The following LRRC4C variants were observed in gnomAD, a reference collection of about 807,000 sequenced individuals.
LRRC4C encodes leucine-rich repeat-containing protein 4C.
In LRRC4C, 5 loss-of-function variants were observed where a neutral mutation model predicts 33.6. That is an observed-to-expected ratio of 0.15 (90% CI 0.08 to 0.31). The LOEUF is 0.31. Among genes scored for constraint, LRRC4C ranks in the 10% least tolerant of loss-of-function variants. LRRC4C has a pLI of 1.00. For synonymous variants in LRRC4C, 329 were observed against 302.0 expected (o/e 1.09, Z -0.93); for missense variants, 560 against 796.7 (o/e 0.70, Z 3.58).
At chr11:41,406,748 A>ACACACACACACG (rs936627444) in intron 1 of LRRC4C, among the ~76,000 whole-genome samples, 115 of 145,544 alleles carry the variant, frequency 7.9e-4, no homozygotes, top group African/African-American at 2.9e-3. Context: ...ACACACACAC[A>ACACACACACACG]CACGCACCCT....
At chr11:40,965,241 T>G (rs973663324) in intron 1 of LRRC4C, among the ~76,000 whole-genome samples, 1 of 152,206 alleles carries the variant, frequency 6.6e-6, no homozygotes, top group East Asian at 1.9e-4. Context: ...TAAATTTGTT[T>G]GAGTTCATTG....
At chr11:40,777,778 C>T (rs764667351) in intron 2 of LRRC4C, among the ~76,000 whole-genome samples, 1 of 151,872 alleles carries the variant, frequency 6.6e-6, no homozygotes, top group African/African-American at 2.4e-5. Flanking sequence ...AGCTCCGCCT[C>T]CCGAGTTCAC....
At chr11:40,915,743 A>T (rs1956926874) in intron 2 of LRRC4C, among the ~76,000 whole-genome samples, 1 of 152,166 alleles carries the variant, frequency 6.6e-6, no homozygotes, top group South Asian at 2.1e-4. Flanking sequence ...AGAAACTACC[A>T]TCAGAGTGAA....
At chr11:40,179,718 C>T (rs958835679) in intron 5 of LRRC4C, among the ~76,000 whole-genome samples, 4 of 152,088 alleles carry the variant, frequency 2.6e-5, no homozygotes, top group African/African-American at 7.2e-5. Flanking sequence ...GCACCAGCAG[C>T]GGAGAAAAGA....
chr11:41,199,684 C>T (rs1210930081), intron 1 of LRRC4C, among the ~76,000 whole-genome samples: 2 of 152,090 alleles, frequency 1.3e-5, no homozygotes, highest in African/African-American at 2.4e-5. Flanking sequence ...TCCCACCTAC[C>T]TCCTCCATTG....
At chr11:41,218,745 T>C (rs1444488272) in intron 1 of LRRC4C, among the ~76,000 whole-genome samples, 2 of 151,240 alleles carry the variant, frequency 1.3e-5, no homozygotes, top group Non-Finnish European at 2.9e-5. Flanking sequence ...TTAACTTTCA[T>C]ATGCATATGC....
intron 2 of LRRC4C, among the ~76,000 whole-genome samples, chr11:40,894,538 G>A (rs1396304215): frequency 6.6e-6 from 1 of 152,096 alleles, no homozygotes; most frequent in Non-Finnish European, 1.5e-5. Flanking sequence ...ATTTGATTAT[G>A]GGATTTTGTT....
At chr11:41,161,004 A>G (rs1227070420) in intron 1 of LRRC4C, among the ~76,000 whole-genome samples, 2 of 152,310 alleles carry the variant, frequency 1.3e-5, no homozygotes, top group South Asian at 4.1e-4. Flanking sequence ...TACTTTAGAC[A>G]TGATGTTCTT....
At chr11:40,288,567 GAATGA>G (rs1364755180) in intron 4 of LRRC4C, among the ~76,000 whole-genome samples, 4 of 152,166 alleles carry the variant, frequency 2.6e-5, no homozygotes, top group Admixed American at 2.6e-4. Context: ...CTGCTGTAGA[GAATGA>G]AATTATGAGC....
rs1001909749 is a variant in LRRC4C at position 40,907,778 on chromosome 11, T to A, written c.-407+25857A>T. Among the ~76,000 whole-genome samples, 11 of 152,326 alleles carry A rather than the reference T, an allele frequency of 7.2e-5. No homozygotes were observed. In the East Asian group the frequency reaches 2.1e-3, roughly 29 times the overall value. Reference sequence around the variant, plus strand: ...GCAATTTTTCTCAAAAATTTTAAAATTCTTAAATCTCAATGTGGCTTCTCT... The same window carrying A: ...GCAATTTTTCTCAAAAATTTTAAAAATCTTAAATCTCAATGTGGCTTCTCT... On this transcript the variant is annotated intron_variant, in intron 2 of 6. Transcript: ENST00000528697.
At chr11:40,743,164 A>G (rs1470379860) in intron 2 of LRRC4C, among the ~76,000 whole-genome samples, 1 of 152,088 alleles carries the variant, frequency 6.6e-6, no homozygotes, top group Non-Finnish European at 1.5e-5. Context: ...AATGAACATG[A>G]ATTTCTTAGT....
intron 3 of LRRC4C, among the ~76,000 whole-genome samples, chr11:40,615,187 C>T (rs1353559345): frequency 6.8e-6 from 1 of 147,498 alleles, no homozygotes; most frequent in Non-Finnish European, 1.5e-5. Flanking sequence ...GTTCTAGACC[C>T]TATAGTTCTG....
In LRRC4C at chr11:40,920,249, G is replaced by T. The variant is rs892836960; in HGVS notation, c.-407+13386C>A. Among the ~76,000 whole-genome samples, 6 of 152,156 alleles carry T rather than the reference G, an allele frequency of 3.9e-5. No individual in the cohort carries two copies. The East Asian group carries it at 1.2e-3, about 29-fold the overall frequency. On this transcript the variant is annotated intron_variant, in intron 2 of 6. Transcript: ENST00000528697. ...TAAAGACACCTTTCAAATACTCCAT[G>T]ATTTTTCTCTTATCCAGGTTAATTA...
chr11:40,721,303 C>T (rs753664756), intron 2 of LRRC4C, among the ~76,000 whole-genome samples: 1 of 152,114 alleles, frequency 6.6e-6, no homozygotes, highest in African/African-American at 2.4e-5. Context: ...CCATTTGTGC[C>T]CTCTGCCCTA....
intron 3 of LRRC4C, among the ~76,000 whole-genome samples, chr11:40,480,704 A>T (rs1953512133): frequency 6.6e-6 from 1 of 152,170 alleles, no homozygotes; most frequent in Non-Finnish European, 1.5e-5. Flanking sequence ...ATATACACGC[A>T]ATAGAATATA....
At chr11:41,271,961 T>A (rs1026793783) in intron 1 of LRRC4C, among the ~76,000 whole-genome samples, 3 of 152,112 alleles carry the variant, frequency 2.0e-5, no homozygotes, top group Admixed American at 1.3e-4. Context: ...ACTCTATTAC[T>A]TCTCCTACAT....
chr11:40,152,500 A>T (rs1858305475), intron 5 of LRRC4C, among the ~76,000 whole-genome samples: 2 of 152,198 alleles, frequency 1.3e-5, no homozygotes, highest in Admixed American at 1.3e-4. Context: ...CAGGGGAAGA[A>T]CTAAAGCCAT....
chr11:40,942,950 T>C (rs1330996234), intron 1 of LRRC4C, among the ~76,000 whole-genome samples: 1 of 152,162 alleles, frequency 6.6e-6, no homozygotes, highest in Non-Finnish European at 1.5e-5. Flanking sequence ...ACTTATTTCA[T>C]AGTGACACAG....
intron 1 of LRRC4C, among the ~76,000 whole-genome samples, chr11:41,286,787 A>G (rs1565548902): frequency 6.6e-6 from 1 of 152,086 alleles, no homozygotes; most frequent in Non-Finnish European, 1.5e-5. Flanking sequence ...GAGAGGGAGG[A>G]AGCAGAAGAG....
Sources: allele counts gnomAD v4.1 joint callset (sites outside exome capture counted in the v4.1 genomes callset), GRCh38; gene constraint gnomAD v4.1.1; transcripts MANE v1.5; gene names NCBI Gene and HGNC (gene_info 2026-07-23, HGNC 2026-07-21).